Variants in CA5A observed in about 807,000 individuals in gnomAD.
CA5A encodes the protein carbonic anhydrase 5A, also known as carbonic anhydrase 5A, mitochondrial.
CA5A carries 28 observed loss-of-function variants against 37.1 expected under a neutral mutation model. The ratio of observed to expected loss-of-function variants is 0.75; its 90% CI spans 0.56 to 1.03. The LOEUF (loss-of-function observed/expected upper bound fraction) is 1.03. Ranked by LOEUF, CA5A falls within the 50% of genes least tolerant of loss-of-function variation. CA5A has a pLI of 0.00. For missense variants in CA5A, 444 were observed against 399.9 expected (o/e 1.11, Z -0.94); for synonymous variants, 171 against 158.4 (o/e 1.08, Z -0.60).
chr16:87,886,143 GT>G (rs779669034), downstream of CA5A: 10,960 of 113,894 alleles, frequency 0.096, 443 homozygotes, highest in African/African-American at 0.2. Context: ...TCTGGATCAA[GT>G]TTTTTTTTTT....
Position 87,919,023 on chromosome 16 carries a change from G to A in CA5A, c.340+7725C>T, listed in dbSNP as rs2056194124. Among the ~76,000 whole-genome samples the A allele has an allele frequency of 2.0e-5, 3 of 152,360 alleles. 1 individual carries two copies. The South Asian group carries it at 6.2e-4, about 32-fold the overall frequency. ...CGTGGACGGGAGCCAAAGGAGGGAT[G>A]ACCCAGCTCATTTCCATGGCCCGGG... On this transcript the variant is annotated intron_variant, in intron 2 of 6. Coordinates refer to ENST00000649794, the MANE Select transcript of CA5A (RefSeq NM_001739.2).
chr16:87,902,913 C>CAAA (rs111457269), intron 3 of CA5A, among the ~76,000 whole-genome samples: 2 of 113,704 alleles, frequency 1.8e-5, no homozygotes, highest in African/African-American at 6.1e-5. Context: ...CTCCATCTCA[C>CAAA]AAAAAAAAAA....
At chr16:87,889,470 G>T (rs1380794820) in intron 6 of CA5A, among the ~76,000 whole-genome samples, 1 of 152,006 alleles carries the variant, frequency 6.6e-6, no homozygotes, top group Middle Eastern at 3.2e-3. Flanking sequence ...TTCACTGAAG[G>T]AACTAAAAGA....
intron 1 of CA5A, among the ~76,000 whole-genome samples, chr16:87,928,755 T>C (rs947411489): frequency 1.5e-5 from 2 of 130,000 alleles, no homozygotes; most frequent in African/African-American, 3.1e-5. Flanking sequence ...TATTTTCTTT[T>C]CTTTGTTTTT....
chr16:87,924,991 C>G (rs1226352282), intron 2 of CA5A, among the ~76,000 whole-genome samples: 1 of 152,252 alleles, frequency 6.6e-6, no homozygotes, highest in African/African-American at 2.4e-5. Context: ...GCCTTCAACT[C>G]TGTTCATCCG....
chr16:87,919,357 G>A (rs2056198569), intron 2 of CA5A, among the ~76,000 whole-genome samples: 1 of 152,212 alleles, frequency 6.6e-6, no homozygotes, highest in Non-Finnish European at 1.5e-5. Flanking sequence ...CTTGCTCCAG[G>A]CGGGGTCACC....
intron 2 of CA5A, among the ~76,000 whole-genome samples, chr16:87,909,579 G>C (rs766387411): frequency 5.9e-5 from 9 of 152,186 alleles, no homozygotes; most frequent in Non-Finnish European, 1.0e-4. Flanking sequence ...GCCCGCGCGG[G>C]GCGCACGCAT....
At chr16:87,907,987 C>G (rs1162704224) in intron 2 of CA5A, among the ~76,000 whole-genome samples, 3 of 152,202 alleles carry the variant, frequency 2.0e-5, no homozygotes, top group African/African-American at 7.2e-5. Flanking sequence ...ACTGTATCAA[C>G]AGGACTTAGT....
chr16:87,905,122 C>T (rs2055941454), intron 2 of CA5A, among the ~76,000 whole-genome samples: 1 of 152,056 alleles, frequency 6.6e-6, no homozygotes, highest in Non-Finnish European at 1.5e-5. Flanking sequence ...CAGAGGTTCA[C>T]AGTAAATGTG....
At chr16:87,933,654 G>A (rs189547132) in intron 1 of CA5A, among the ~76,000 whole-genome samples, 135 of 152,122 alleles carry the variant, frequency 8.9e-4, no homozygotes, top group African/African-American at 3.1e-3. Flanking sequence ...AAACAGTGCT[G>A]GGATTACAGG....
chr16:87,920,113 C>T (rs375933230), intron 2 of CA5A, among the ~76,000 whole-genome samples: 18 of 152,226 alleles, frequency 1.2e-4, no homozygotes, highest in East Asian at 9.6e-4. Context: ...GAAGCATGGA[C>T]GAGGCTGAGC....
downstream of CA5A, chr16:87,887,451 G>C (rs1260892847): frequency 6.6e-6 from 1 of 151,932 alleles, no homozygotes; most frequent in African/African-American, 2.4e-5. Flanking sequence ...TTTTGCTCTT[G>C]TTGCCCACGC....
At chr16:87,912,257 G>A (rs112256024) in intron 2 of CA5A, among the ~76,000 whole-genome samples, 22,359 of 152,064 alleles carry the variant, frequency 0.15, 1,844 homozygotes, top group South Asian at 0.23. Flanking sequence ...AGCCGAGGTC[G>A]TGTCACTGAA....
Position 87,936,369 on chromosome 16 carries a change from T to A in CA5A, c.82A>T (p.Met28Leu), listed in dbSNP as rs1400140537. 6.2e-7 allele frequency: 1 copy of A among 1,614,014 alleles called. No homozygotes were observed. Among genetic ancestry groups the A allele is most frequent in the East Asian group, 2.2e-5 (1 of 44,862 alleles). ...TGAGAACACCATCGCCCTGGCCTCA[T>A]CGAACGACTCCAGAGAGGGGCCCAC... ...QMWAPLWSRS[M>L]RPGRWCSQRS... The change falls in exon 1 of 7, where the codon ATG becomes TTG. Residue 28 changes from methionine to leucine, a missense_variant. Transcript: ENST00000649794.
intron 1 of CA5A, 39 bp from the exon 2 acceptor site, chr16:87,926,984 G>C: frequency 1.5e-6 from 2 of 1,340,402 alleles, no homozygotes; most frequent in African/African-American, 1.4e-5. Context: ...TGAGGCATGA[G>C]CTTCATCCTG....
At chr16:87,923,464 A>T in intron 2 of CA5A, 1 of 830,800 alleles carries the variant, frequency 1.2e-6, no homozygotes, top group Non-Finnish European at 1.5e-6. Context: ...CTGGGATTAT[A>T]AGCATGAGCC....
intron 2 of CA5A, among the ~76,000 whole-genome samples, chr16:87,912,882 G>A (rs191843612): frequency 5.9e-5 from 9 of 152,322 alleles, no homozygotes; most frequent in Admixed American, 2.0e-4. Flanking sequence ...AGCACCAGCC[G>A]GCGAAGGCAC....
intron 6 of CA5A, among the ~76,000 whole-genome samples, chr16:87,889,727 C>T (rs1180290609): frequency 2.6e-5 from 4 of 151,940 alleles, no homozygotes; most frequent in Admixed American, 2.0e-4. Context: ...AGCGAGATCA[C>T]GCCATTGCAC....
chr16:87,923,584 G>A, intron 2 of CA5A: 1 of 985,434 alleles, frequency 1.0e-6, no homozygotes, highest in Non-Finnish European at 1.2e-6. Context: ...ACTGCATGAG[G>A]TCTTGGTGAG....
Sources: allele counts gnomAD v4.1 joint callset (sites outside exome capture counted in the v4.1 genomes callset), GRCh38; gene constraint gnomAD v4.1.1; transcripts MANE v1.5; gene names NCBI Gene and HGNC (gene_info 2026-07-23, HGNC 2026-07-21).